The following RAI1 variants were observed in gnomAD, a reference collection of about 807,000 sequenced individuals.
The protein encoded by RAI1 is retinoic acid induced 1.
In RAI1, 9 loss-of-function variants were observed where a neutral mutation model predicts 123.8. The ratio of observed to expected loss-of-function variants is 0.07; its 90% CI spans 0.04 to 0.13. The LOEUF (loss-of-function observed/expected upper bound fraction) is 0.13. RAI1 is among the 10% of genes least tolerant of loss of function. The pLI is 1.00. For synonymous variants in RAI1, 1,231 were observed against 1,127.3 expected (o/e 1.09, Z -1.84); for missense variants, 2,256 against 2,545.8 (o/e 0.89, Z 2.45).
At chr17:17,783,471 T>G (rs1231926063) in intron 2 of RAI1, among the ~76,000 whole-genome samples, 1 of 151,972 alleles carries the variant, frequency 6.6e-6, no homozygotes, top group Non-Finnish European at 1.5e-5. Context: ...GAGGGAGTCC[T>G]GCGGATTTTC....
At chr17:17,698,003 C>G (rs904347399) in intron 1 of RAI1, among the ~76,000 whole-genome samples, 20 of 152,188 alleles carry the variant, frequency 1.3e-4, no homozygotes, top group African/African-American at 4.8e-4. Flanking sequence ...CCATCCGGCC[C>G]TGGGTGAGCA....
chr17:17,690,786 A>T (rs548708610), intron 1 of RAI1, among the ~76,000 whole-genome samples: 20 of 152,352 alleles, frequency 1.3e-4, no homozygotes, highest in African/African-American at 4.8e-4. Flanking sequence ...GTGGACAAAG[A>T]ATTGTTACAG....
intron 1 of RAI1, among the ~76,000 whole-genome samples, chr17:17,695,126 G>A (rs1380368052): frequency 6.6e-6 from 1 of 152,078 alleles, no homozygotes; most frequent in Non-Finnish European, 1.5e-5. Flanking sequence ...ACCGCTTGGG[G>A]GCTATTAAAA....
intron 2 of RAI1, among the ~76,000 whole-genome samples, chr17:17,725,525 G>A (rs1916058013): frequency 6.6e-6 from 1 of 152,122 alleles, no homozygotes; most frequent in South Asian, 2.1e-4. Flanking sequence ...CTGAGGCGGG[G>A]ACTCAATCCA....
intron 1 of RAI1, among the ~76,000 whole-genome samples, chr17:17,698,766 G>C (rs1278738412): frequency 1.3e-5 from 2 of 152,130 alleles, no homozygotes; most frequent in African/African-American, 4.8e-5. Flanking sequence ...TTTCTTTGGC[G>C]CTGTGACTCT....
rs1288880028 is a variant in RAI1 at position 17,725,407 on chromosome 17, C to T, written c.-17+1248C>T. Among the ~76,000 whole-genome samples, 8 of 152,086 alleles carry T rather than the reference C, an allele frequency of 5.3e-5. No homozygotes were observed. In the East Asian group the frequency reaches 1.4e-3, roughly 26 times the overall value. Reference sequence around the variant, plus strand: ...GACGCCTCGACCCCTCCCTCAGGGCCGGGAGGAGAGGAGGATGAAGGGGGA... The same window carrying T: ...GACGCCTCGACCCCTCCCTCAGGGCTGGGAGGAGAGGAGGATGAAGGGGGA... On this transcript the variant is annotated intron_variant, in intron 2 of 5. Transcript: ENST00000353383.
chr17:17,793,745 T>C lies in RAI1; in HGVS notation c.797T>C (p.Leu266Pro). 6.2e-7 allele frequency: 1 copy of C among 1,612,620 alleles called. No individual in the cohort carries two copies. Among genetic ancestry groups the C allele is most frequent in the Non-Finnish European group, 8.5e-7 (1 of 1,179,984 alleles). Residue 266 changes from leucine (L) to proline (P), a missense_variant, in exon 3 of 6, where the codon CTT becomes CCT. Physicochemically the swap from Leu to Pro is moderately conservative, Grantham distance 98. This residue lies in a region of RAI1 where 336 missense variants were observed against 349.8 expected (regional missense o/e 0.96). Coordinates refer to ENST00000353383, the MANE Select transcript of RAI1 (RefSeq NM_030665.4). ...GCCCCGGGGCAGCGGGTCCAGAATCTTCATGCCTACCAGTCGGGCCGCCTC... is the reference window on the plus strand; with the variant it reads ...GCCCCGGGGCAGCGGGTCCAGAATCCTCATGCCTACCAGTCGGGCCGCCTC... The part of the protein sequence containing the change: ...SLAPGQRVQN[L>P]HAYQSGRLSY...
chr17:17,764,130 G>A (rs781766396), intron 2 of RAI1, among the ~76,000 whole-genome samples: 9 of 152,236 alleles, frequency 5.9e-5, no homozygotes, highest in South Asian at 2.1e-4. Flanking sequence ...TGGTGGTGCC[G>A]ACACTGACCA....
intron 1 of RAI1, among the ~76,000 whole-genome samples, chr17:17,698,575 G>A (rs1022113807): frequency 1.3e-5 from 2 of 152,368 alleles, no homozygotes; most frequent in Admixed American, 6.5e-5. Context: ...TTTGCAGACC[G>A]GAGGTGAGGG....
At chr17:17,702,821 C>T (rs975206737) in intron 1 of RAI1, among the ~76,000 whole-genome samples, 2 of 152,168 alleles carry the variant, frequency 1.3e-5, no homozygotes, top group Non-Finnish European at 2.9e-5. Context: ...TGAGGCCAGT[C>T]GGGGTGAGGA....
chr17:17,707,754 T>C (rs186297794), intron 1 of RAI1, among the ~76,000 whole-genome samples: 52 of 152,230 alleles, frequency 3.4e-4, no homozygotes, highest in African/African-American at 1.2e-3. Context: ...CACCATGCCC[T>C]ACTAATTTTT....
chr17:17,779,775 T>G (rs1303845558), intron 2 of RAI1, among the ~76,000 whole-genome samples: 1 of 148,242 alleles, frequency 6.7e-6, no homozygotes, highest in African/African-American at 2.5e-5. Flanking sequence ...CCCACCCTTT[T>G]TTTTTTTTTT....
At chr17:17,765,408 G>A (rs534663915) in intron 2 of RAI1, among the ~76,000 whole-genome samples, 20 of 152,338 alleles carry the variant, frequency 1.3e-4, no homozygotes, top group African/African-American at 3.8e-4. Context: ...CATCCCCAGC[G>A]TGGACTTGTC....
intron 2 of RAI1, among the ~76,000 whole-genome samples, chr17:17,780,082 T>TTTTTTTTTA (rs71152902): frequency 4.5e-5 from 5 of 110,954 alleles, no homozygotes; most frequent in Non-Finnish European, 5.3e-5. Context: ...GGCTTTTTTT[T>TTTTTTTTTA]AAGACAAGAG....
intron 2 of RAI1, among the ~76,000 whole-genome samples, chr17:17,727,762 G>C (rs2142940777): frequency 6.6e-6 from 1 of 152,284 alleles, no homozygotes; most frequent in East Asian, 1.9e-4. Context: ...GGCAGATGTT[G>C]GCACAGATAT....
chr17:17,754,806 C>T (rs985580933), intron 2 of RAI1, among the ~76,000 whole-genome samples: 22 of 152,282 alleles, frequency 1.4e-4, no homozygotes, highest in South Asian at 6.2e-4. Context: ...GTGCAAGGCC[C>T]GTCTCTGCAC....
Position 17,796,306 on chromosome 17 carries a change from G to A in RAI1, c.3358G>A (p.Asp1120Asn), listed in dbSNP as rs753153422. 11 of 1,608,790 alleles carry A rather than the reference G, an allele frequency of 6.8e-6. No individual in the cohort carries two copies. Among genetic ancestry groups the A allele is most frequent in the Non-Finnish European group, 7.6e-6 (9 of 1,177,026 alleles). Residue 1120 changes from aspartate to asparagine, a missense_variant, in exon 3 of 6, where the codon GAC becomes AAC. By Grantham distance (23) the Asp-to-Asn change is conservative (BLOSUM62 1). Around this residue, in one of 7 missense-constraint regions of RAI1, gnomAD observed 22 missense variants for 50.7 expected, o/e 0.43. Transcript: ENST00000353383. This position sits in a 1 kb window ranked among gnomAD's most constrained non-coding sequence, Gnocchi z 5.8. ...SNPAALPVAS[D>N]SSPMGSKTKE... ...CCCGGCCGCCCTGCCTGTGGCCTCC[G>A]ACAGCAGCCCGATGGGCTCCAAGAC...
intron 2 of RAI1, among the ~76,000 whole-genome samples, chr17:17,734,196 G>A (rs1458221863): frequency 6.6e-6 from 1 of 152,142 alleles, no homozygotes; most frequent in Non-Finnish European, 1.5e-5. Flanking sequence ...CAAACTGAAG[G>A]GCATGTTCAA....
chr17:17,767,894 G>A (rs1187695187), intron 2 of RAI1, among the ~76,000 whole-genome samples: 1 of 152,206 alleles, frequency 6.6e-6, no homozygotes, highest in African/African-American at 2.4e-5. Flanking sequence ...GAGCCGGTAA[G>A]CTCAGAAACG....
Sources: allele counts gnomAD v4.1 joint callset (sites outside exome capture counted in the v4.1 genomes callset), GRCh38; gene constraint gnomAD v4.1.1; regional missense constraint gnomAD v4.1.1; non-coding constraint Gnocchi (gnomAD v3.1); transcripts MANE v1.5; gene names NCBI Gene and HGNC (gene_info 2026-07-23, HGNC 2026-07-21).